The following MEIS2 variants were observed in gnomAD, a reference collection of about 807,000 sequenced individuals.
MEIS2 encodes the protein Meis homeobox 2.
MEIS2 carries 9 observed loss-of-function variants against 58.6 expected under a neutral mutation model. The observed-to-expected ratio is 0.15, with a 90% CI of 0.09 to 0.27. MEIS2 has a LOEUF of 0.27. Ranked by LOEUF, MEIS2 falls within the 10% of genes least tolerant of loss-of-function variation. The pLI, the probability that MEIS2 is intolerant of heterozygous loss-of-function variation, is 1.00. For synonymous variants in MEIS2, 221 were observed against 228.4 expected (o/e 0.97, Z 0.29); for missense variants, 427 against 635.0 (o/e 0.67, Z 3.52).
chr15:37,019,823 C>T (rs1201035157), intron 8 of MEIS2, among the ~76,000 whole-genome samples: 1 of 152,160 alleles, frequency 6.6e-6, no homozygotes, highest in African/African-American at 2.4e-5. Context: ...ACCACAGGAG[C>T]AAGCACTGGC....
chr15:37,076,633 T>C (rs1038528235), intron 7 of MEIS2, among the ~76,000 whole-genome samples: 2 of 152,004 alleles, frequency 1.3e-5, no homozygotes, highest in Non-Finnish European at 2.9e-5. Context: ...TGTTTTAAAG[T>C]GGTTTTTGAG....
intron 7 of MEIS2, among the ~76,000 whole-genome samples, chr15:37,079,096 T>TTA (rs943467120): frequency 6.6e-6 from 1 of 152,130 alleles, no homozygotes; most frequent in Admixed American, 6.6e-5. Context: ...TTGCTGATGG[T>TTA]TAAAGAATGG....
chr15:37,045,119 C>T (rs997773538), intron 7 of MEIS2, among the ~76,000 whole-genome samples: 1 of 152,268 alleles, frequency 6.6e-6, no homozygotes, highest in Non-Finnish European at 1.5e-5. Context: ...ACATGTCATA[C>T]ACTGCTTATA....
chr15:36,930,785 T>C (rs2057948051), intron 9 of MEIS2, among the ~76,000 whole-genome samples: 1 of 152,216 alleles, frequency 6.6e-6, no homozygotes, highest in African/African-American at 2.4e-5. Flanking sequence ...TATACGCACA[T>C]CTTTCTATAA....
intron 8 of MEIS2, among the ~76,000 whole-genome samples, chr15:36,956,128 G>A (rs181554692): frequency 7.7e-4 from 114 of 147,790 alleles, no homozygotes; most frequent in African/African-American, 2.7e-3. Context: ...CCCGGGAGGC[G>A]GAGCTTGCAG....
At chr15:37,005,073 T>C (rs966274838) in intron 8 of MEIS2, among the ~76,000 whole-genome samples, 5 of 152,190 alleles carry the variant, frequency 3.3e-5, no homozygotes, top group African/African-American at 4.8e-5. Context: ...AAAATTCCAA[T>C]TCATAAAAAC....
chr15:37,015,140 C>T (rs1344819865), intron 8 of MEIS2, among the ~76,000 whole-genome samples: 5 of 152,160 alleles, frequency 3.3e-5, no homozygotes, highest in Non-Finnish European at 5.9e-5. Context: ...CTTCCTAATA[C>T]CAAAAGAAAA....
At chr15:36,898,688 A>G (rs2141230816) in intron 9 of MEIS2, 1 of 152,302 alleles carries the variant, frequency 6.6e-6, no homozygotes, top group East Asian at 1.9e-4. Flanking sequence ...CTTAGTTCTC[A>G]GCAGGAGAAC....
chr15:36,920,242 C>G (rs2057448354), intron 9 of MEIS2, among the ~76,000 whole-genome samples: 1 of 152,080 alleles, frequency 6.6e-6, no homozygotes, highest in South Asian at 2.1e-4. Context: ...CTCCACCTCC[C>G]GGGTTCAAGC....
intron 9 of MEIS2, among the ~76,000 whole-genome samples, chr15:36,933,036 C>T (rs16964359): frequency 6.6e-6 from 1 of 152,106 alleles, no homozygotes; most frequent in East Asian, 1.9e-4. Context: ...TATGTTTGGG[C>T]CCCCTTCTCT....
intron 8 of MEIS2, among the ~76,000 whole-genome samples, chr15:36,957,974 G>A (rs1163476342): frequency 6.6e-6 from 1 of 152,192 alleles, no homozygotes; most frequent in Non-Finnish European, 1.5e-5. Context: ...TTATGGAAAT[G>A]CAGGCTTCAC....
At chr15:37,012,668 G>A (rs369653361) in intron 8 of MEIS2, among the ~76,000 whole-genome samples, 297 of 152,168 alleles carry the variant, frequency 2.0e-3, no homozygotes, top group African/African-American at 6.9e-3. Context: ...GCTACCTAGG[G>A]TACTACTATA....
chr15:37,014,998 C>A (rs1237390493), intron 8 of MEIS2, among the ~76,000 whole-genome samples: 1 of 152,206 alleles, frequency 6.6e-6, no homozygotes, highest in African/African-American at 2.4e-5. Context: ...GAAACAAATT[C>A]TTTTCTTTCC....
chr15:37,008,507 CT>C (rs1172129806), intron 8 of MEIS2, among the ~76,000 whole-genome samples: 1 of 152,144 alleles, frequency 6.6e-6, no homozygotes, highest in Non-Finnish European at 1.5e-5. Context: ...TCATTTAAGT[CT>C]TCTTATTTCT....
At position 36,971,620 on chromosome 15, in the gene MEIS2, C is replaced by T. The variant is rs76326945; in HGVS notation, c.901-21220G>A. ...TTATTCATCTCAAAAGCAATAAGAT[C>T]CTAGAATGGAGCCTTCATAACACAA... On this transcript the variant is annotated intron_variant, in intron 8 of 11. Transcript: ENST00000561208. 9.4e-3 allele frequency among the ~76,000 whole-genome samples: 1,335 copies of T among 142,456 alleles called. 19 individuals are homozygous for T. The highest frequency in any genetic ancestry group is 0.032 in the African/African-American group (1,206 of 37,908). 93.5% of individuals were successfully genotyped at this position (142,456 alleles called of 152,430 possible). A position where few individuals can be genotyped will look rare whatever the true frequency, so the allele number is the denominator to read the frequency against.
chr15:36,904,307 C>T (rs1346599521), intron 9 of MEIS2, among the ~76,000 whole-genome samples: 1 of 152,000 alleles, frequency 6.6e-6, no homozygotes, highest in African/African-American at 2.4e-5. Flanking sequence ...TTTCCCCCTC[C>T]CCTTCCTCCC....
intron 8 of MEIS2, among the ~76,000 whole-genome samples, chr15:37,023,030 T>A (rs2061577608): frequency 6.6e-6 from 1 of 152,214 alleles, no homozygotes; most frequent in South Asian, 2.1e-4. Context: ...TGTTATATAA[T>A]GTTACATATT....
At chr15:36,905,025 G>A (rs1934541425) in intron 9 of MEIS2, among the ~76,000 whole-genome samples, 1 of 144,376 alleles carries the variant, frequency 6.9e-6, no homozygotes, top group South Asian at 2.3e-4. Flanking sequence ...GTAGGTATAT[G>A]TATGTGTATT....
intron 8 of MEIS2, among the ~76,000 whole-genome samples, chr15:36,970,829 C>A (rs930908611): frequency 1.3e-5 from 2 of 152,102 alleles, no homozygotes; most frequent in Non-Finnish European, 2.9e-5. Context: ...AAGGAGAAAG[C>A]AATTAAAGCT....
Sources: allele counts gnomAD v4.1 joint callset (sites outside exome capture counted in the v4.1 genomes callset), GRCh38; gene constraint gnomAD v4.1.1; transcripts MANE v1.5; gene names NCBI Gene and HGNC (gene_info 2026-07-23, HGNC 2026-07-21).